MYO5C: variants seen among roughly 807,000 people sequenced by gnomAD.
MYO5C encodes myosin VC, also known as unconventional myosin-Vc.
MYO5C carries 194 observed loss-of-function variants against 235.7 expected under a neutral mutation model. That is an observed-to-expected ratio of 0.82 (90% CI 0.73 to 0.93). The LOEUF is 0.93. MYO5C is among the 40% of genes least tolerant of loss of function. MYO5C has a pLI of 0.00. For synonymous variants in MYO5C, 707 were observed against 754.8 expected (o/e 0.94, Z 1.04); for missense variants, 2,038 against 2,127.2 (o/e 0.96, Z 0.82).
At chr15:52,205,692 G>T in intron 37 of MYO5C, 124 bp downstream of exon 37, 1 of 529,906 alleles carries the variant, frequency 1.9e-6, no homozygotes, top group Non-Finnish European at 3.1e-6. Context: ...ATATCTACAT[G>T]ATTATATTTC....
chr15:52,205,776 G>T, intron 37 of MYO5C, 40 bp downstream of exon 37: 1 of 1,305,612 alleles, frequency 7.7e-7, no homozygotes. Flanking sequence ...AAGTCTTAAT[G>T]TTACTATAAA....
At chr15:52,204,686 A>C (rs1266845965) in intron 38 of MYO5C, among the ~76,000 whole-genome samples, 179 bp downstream of exon 38, 1 of 151,994 alleles carries the variant, frequency 6.6e-6, no homozygotes, top group Non-Finnish European at 1.5e-5. Flanking sequence ...GCGTGAGGGG[A>C]GTAGGCCCTG....
intron 3 of MYO5C, 75 bp downstream of exon 3, chr15:52,279,434 A>T: frequency 1.3e-6 from 2 of 1,503,274 alleles, no homozygotes; most frequent in Non-Finnish European, 1.8e-6. Flanking sequence ...TATAAACATA[A>T]AACAACCAGG....
At chr15:52,279,438 A>C (rs1596227577) in intron 3 of MYO5C, 71 bp downstream of exon 3, 1 of 1,516,990 alleles carries the variant, frequency 6.6e-7, no homozygotes, top group East Asian at 2.3e-5. Context: ...AACATAAAAC[A>C]ACCAGGAGGC....
In MYO5C at chr15:52,246,917, T is replaced by G; in HGVS notation, c.1979A>C (p.Glu660Ala). Residue 660 changes from glutamate to alanine, a missense_variant and splice_region_variant, in exon 16 of 41, where the codon GAA becomes GCA. Coordinates refer to ENST00000261839, the MANE Select transcript of MYO5C (RefSeq NM_018728.4). Reference sequence around the variant, plus strand: ...CTGTGTGTTGCATAAGAACACTTACTCAAAGGGTAACTTCTCATCATTTGG... The same window carrying G: ...CTGTGTGTTGCATAAGAACACTTACGCAAAGGGTAACTTCTCATCATTTGG... ...IKPNDEKLPF[E>A]FDSKRIVQQL... 6.2e-7 allele frequency: 1 copy of G among 1,612,630 alleles called. No homozygotes were observed. Among genetic ancestry groups the G allele is most frequent in the South Asian group, 1.1e-5 (1 of 90,672 alleles).
intron 3 of MYO5C, among the ~76,000 whole-genome samples, 188 bp downstream of exon 3, chr15:52,279,321 C>T (rs1461829565): frequency 6.6e-6 from 1 of 152,128 alleles, no homozygotes; most frequent in East Asian, 1.9e-4. Context: ...AACTCAAACA[C>T]GAGCTTTGTT....
intron 24 of MYO5C, among the ~76,000 whole-genome samples, chr15:52,232,004 G>A (rs970415349): frequency 3.9e-5 from 6 of 151,994 alleles, no homozygotes; most frequent in Non-Finnish European, 8.8e-5. Flanking sequence ...AAAGGAGGGA[G>A]GTTTATTTCC....
intron 7 of MYO5C, among the ~76,000 whole-genome samples, chr15:52,271,030 A>G (rs976854167): frequency 2.0e-5 from 3 of 152,218 alleles, no homozygotes; most frequent in African/African-American, 7.2e-5. Flanking sequence ...TCTCTGGAAT[A>G]TAATTAATTA....
intron 29 of MYO5C, among the ~76,000 whole-genome samples, chr15:52,223,148 C>CAA (rs59251560): frequency 3.1e-5 from 4 of 128,876 alleles, no homozygotes; most frequent in African/African-American, 9.2e-5. Context: ...GACTTCATCT[C>CAA]AAAAAAAAAA....
intron 35 of MYO5C, among the ~76,000 whole-genome samples, chr15:52,211,079 C>T (rs2035431580): frequency 6.6e-6 from 1 of 152,110 alleles, no homozygotes; most frequent in South Asian, 2.1e-4. Context: ...ATAAGGACAC[C>T]GACTTAGGGA....
chr15:52,272,610 G>T lies in MYO5C; in HGVS notation c.720C>A (p.Tyr240Ter), dbSNP rs1372945305. The change falls in exon 6 of 41, where the codon TAC becomes TAA. Residue 240 changes from tyrosine to a stop codon, truncating the protein, a stop_gained. Coordinates refer to ENST00000261839, the MANE Select transcript of MYO5C (RefSeq NM_018728.4). LOFTEE classifies it high-confidence loss of function. ...AGACAACTCTGGATTTCTCCAGGAGGTAAGTGCTCATGTTGGCTCCTATAA... is the reference window on the plus strand; with the variant it reads ...AGACAACTCTGGATTTCTCCAGGAGTTAAGTGCTCATGTTGGCTCCTATAA... ...NQIIGANMST[Y>*]LLEKSRVVFQ... 1.9e-6 allele frequency: 3 copies of T among 1,613,748 alleles called. No homozygotes were observed. Among genetic ancestry groups the T allele is most frequent in the East Asian group, 2.2e-5 (1 of 44,894 alleles).
chr15:52,272,622 G>A lies in MYO5C; in HGVS notation c.708C>T (p.Asn236=), dbSNP rs368533570. The A allele has an allele frequency of 3.1e-6, 5 of 1,613,962 alleles. No homozygotes were observed. Among genetic ancestry groups the A allele is most frequent in the Non-Finnish European group, 4.2e-6 (5 of 1,179,974 alleles). The change falls in exon 6 of 41, where the codon AAC becomes AAT. Residue 236 remains asparagine (N), a synonymous_variant. Coordinates refer to ENST00000261839, the MANE Select transcript of MYO5C (RefSeq NM_018728.4). ...FDEQNQIIGA[N]MSTYLLEKSR... Reference sequence around the variant, plus strand: ...ATTTCTCCAGGAGGTAAGTGCTCATGTTGGCTCCTATAATTTGATTTTGTT... The same window carrying A: ...ATTTCTCCAGGAGGTAAGTGCTCATATTGGCTCCTATAATTTGATTTTGTT...
At chr15:52,229,383 G>T in intron 24 of MYO5C, 70 bp from the exon 25 acceptor site, 1 of 1,462,692 alleles carries the variant, frequency 6.8e-7, no homozygotes, top group South Asian at 1.2e-5. Context: ...CCAGCACTTT[G>T]GGAGGCCAAG....
chr15:52,237,598 G>C lies in MYO5C; in HGVS notation c.2752C>G (p.Leu918Val), dbSNP rs977539426. ...LVEKLTSLAA[L>V]RAGDVEKIQK... ...ATCTTTTCCACATCCCCAGCTCGAAGAGCAGCCAGGCTAGTCAGCTTCTCC... is the reference window on the plus strand; with the variant it reads ...ATCTTTTCCACATCCCCAGCTCGAACAGCAGCCAGGCTAGTCAGCTTCTCC... The change falls in exon 22 of 41, where the codon CTT becomes GTT. Residue 918 changes from leucine to valine, a missense_variant. Leu to Val is a conservative substitution (Grantham distance 32). Transcript: ENST00000261839. 1.2e-6 allele frequency: 2 copies of C among 1,613,896 alleles called. No homozygotes were observed. Among genetic ancestry groups the C allele is most frequent in the East Asian group, 2.2e-5 (1 of 44,894 alleles).
intron 32 of MYO5C, among the ~76,000 whole-genome samples, chr15:52,217,588 G>T (rs1359145544): frequency 1.3e-5 from 2 of 152,218 alleles, no homozygotes; most frequent in African/African-American, 4.8e-5. Context: ...TGAGAAAGTT[G>T]TATCCACCTC....
At chr15:52,240,792 AC>A (rs1566975408) in intron 20 of MYO5C, among the ~76,000 whole-genome samples, 1 of 151,942 alleles carries the variant, frequency 6.6e-6, no homozygotes, top group Non-Finnish European at 1.5e-5. Context: ...CCAGAATGAA[AC>A]CCCCCAAAAT....
chr15:52,202,001 G>A (rs1266513011), intron 38 of MYO5C, among the ~76,000 whole-genome samples: 2 of 150,818 alleles, frequency 1.3e-5, no homozygotes, highest in African/African-American at 4.9e-5. Context: ...TAAAGAAAAT[G>A]GAGAAATGAA....
intron 11 of MYO5C, among the ~76,000 whole-genome samples, chr15:52,255,448 T>C (rs1272265708): frequency 6.6e-6 from 1 of 152,232 alleles, no homozygotes; most frequent in Non-Finnish European, 1.5e-5. Flanking sequence ...AAGTTTAGAA[T>C]GTAAGCTAAA....
intron 35 of MYO5C, 42 bp downstream of exon 35, chr15:52,211,688 A>G (rs2035443446): frequency 1.3e-6 from 2 of 1,596,608 alleles, no homozygotes; most frequent in South Asian, 1.1e-5. Context: ...GGTCATTCCC[A>G]TAGATGTGAT....
Sources: allele counts gnomAD v4.1 joint callset (sites outside exome capture counted in the v4.1 genomes callset), GRCh38; gene constraint gnomAD v4.1.1; transcripts MANE v1.5; gene names NCBI Gene and HGNC (gene_info 2026-07-23, HGNC 2026-07-21).